FRY: variants seen among roughly 807,000 people sequenced by gnomAD.
The protein encoded by FRY is FRY microtubule binding protein, also known as protein furry homolog.
FRY carries 128 observed loss-of-function variants against 348.4 expected under a neutral mutation model. That is an observed-to-expected ratio of 0.37 (90% CI 0.32 to 0.43). The LOEUF is 0.43. Ranked by LOEUF, FRY falls within the 20% of genes least tolerant of loss-of-function variation. The probability of loss-of-function intolerance (pLI) is 1.00; values close to 1 mark genes in which losing one functional copy is unlikely to be tolerated. For missense variants in FRY, 2,736 were observed against 3,695.2 expected (o/e 0.74, Z 6.73); for synonymous variants, 1,370 against 1,374.7 (o/e 1.00, Z 0.08).
At chr13:32,212,975 A>G (rs1489239794) in intron 35 of FRY, among the ~76,000 whole-genome samples, 2 of 152,078 alleles carry the variant, frequency 1.3e-5, no homozygotes, top group Non-Finnish European at 2.9e-5. Flanking sequence ...CCTGCAGTTG[A>G]TTGTGAAGAG....
chr13:32,033,569 T>A (rs7985191), intron 1 of FRY, among the ~76,000 whole-genome samples: 3,800 of 152,328 alleles, frequency 0.025, 168 homozygotes, highest in African/African-American at 0.086. Context: ...ACATACATAC[T>A]TCAGGAAATG....
chr13:32,113,854 A>G (rs948178754), intron 3 of FRY, among the ~76,000 whole-genome samples: 3 of 152,220 alleles, frequency 2.0e-5, no homozygotes, highest in South Asian at 2.1e-4. Context: ...AGTAACAGAA[A>G]GATGGAAAAA....
intron 38 of FRY, among the ~76,000 whole-genome samples, chr13:32,225,341 AT>A (rs1331248215): frequency 6.6e-6 from 1 of 152,228 alleles, no homozygotes; most frequent in African/African-American, 2.4e-5. Flanking sequence ...ATTTTAAGCT[AT>A]GAGGCATAGT....
chr13:32,151,063 T>G (rs1880759258), intron 14 of FRY, among the ~76,000 whole-genome samples: 1 of 152,212 alleles, frequency 6.6e-6, no homozygotes, highest in Admixed American at 6.5e-5. Context: ...GTGAAGAGCC[T>G]TCTCTTGCTG....
intron 16 of FRY, among the ~76,000 whole-genome samples, chr13:32,159,294 A>T (rs767118992): frequency 1.2e-4 from 18 of 152,008 alleles, no homozygotes; most frequent in Non-Finnish European, 1.6e-4. Context: ...AGCATTTAGG[A>T]GAAGAGGGTG....
intron 7 of FRY, among the ~76,000 whole-genome samples, chr13:32,130,287 C>A (rs146605188): frequency 0.03 from 4,573 of 152,196 alleles, 90 homozygotes; most frequent in Middle Eastern, 0.13. Flanking sequence ...GTAATCCACC[C>A]ACTTCGGCCT....
intron 3 of FRY, among the ~76,000 whole-genome samples, chr13:32,103,282 G>T (rs1459306392): frequency 1.3e-5 from 2 of 152,232 alleles, no homozygotes; most frequent in African/African-American, 2.4e-5. Flanking sequence ...TCACCTGGCA[G>T]GTGCTGAGGT....
intron 60 of FRY, among the ~76,000 whole-genome samples, 154 bp from the exon 61 acceptor site, chr13:32,295,048 T>C (rs1889565633): frequency 6.6e-6 from 1 of 152,206 alleles, no homozygotes; most frequent in Non-Finnish European, 1.5e-5. Flanking sequence ...ACCCACTGAA[T>C]TGTTTACCTT....
Position 32,187,666 on chromosome 13 carries a change from G to A in FRY, c.3591+10G>A, listed in dbSNP as rs571570504. The A allele has an allele frequency of 4.7e-5, 66 of 1,406,122 alleles. 2 individuals are homozygous for A. In the South Asian group the frequency reaches 7.6e-4, roughly 16 times the overall value. The allele number at this position is 1,406,122 out of a possible 1,614,324, so 87.1% of individuals were successfully genotyped here. Reference sequence around the variant, plus strand: ...TTGTCAAGATTTACGAGTAAGTATAGGCAAAAATACATTGTTTTTGAATGT... The same window carrying A: ...TTGTCAAGATTTACGAGTAAGTATAAGCAAAAATACATTGTTTTTGAATGT... On this transcript the variant is annotated intron_variant, in intron 28 of 60. Coordinates refer to ENST00000542859, the MANE Select transcript of FRY (RefSeq NM_023037.3).
At chr13:32,290,363 A>G (rs1335383236) in intron 59 of FRY, among the ~76,000 whole-genome samples, 1 of 152,118 alleles carries the variant, frequency 6.6e-6, no homozygotes, top group Non-Finnish European at 1.5e-5. Context: ...TCATTTGCCT[A>G]GGGGTAAGAA....
chr13:32,061,969 A>G (rs1223743813), intron 1 of FRY, among the ~76,000 whole-genome samples: 1 of 152,130 alleles, frequency 6.6e-6, no homozygotes, highest in Non-Finnish European at 1.5e-5. Context: ...AAGGCACAAC[A>G]TATTGCTCTA....
chr13:32,186,277 C>G lies in FRY; in HGVS notation c.3337C>G (p.Leu1113Val), dbSNP rs1422265444. The change falls in exon 27 of 61, where the codon CTC (leucine) becomes GTC (valine). Residue 1113 changes from leucine to valine, a missense_variant. Leu to Val is a conservative substitution (Grantham distance 32). Around this residue, in one of 9 missense-constraint regions of FRY, gnomAD observed 449 missense variants for 576.9 expected, o/e 0.78. Transcript: ENST00000542859. ...CTCCCTAGTTCACCACCGAAGATTTCTCTTCCCCCAGCAAAGTCTGAGGCA... is the reference window on the plus strand; with the variant it reads ...CTCCCTAGTTCACCACCGAAGATTTGTCTTCCCCCAGCAAAGTCTGAGGCA... ...QCVPVHHRRF[L>V]FPQQSLRHHL... 1.2e-6 allele frequency: 2 copies of G among 1,613,572 alleles called. No individual in the cohort carries two copies. Among genetic ancestry groups the G allele is most frequent in the Admixed American group, 3.3e-5 (2 of 60,016 alleles).
chr13:32,139,603 A>G lies in FRY; in HGVS notation c.1179+2631A>G, dbSNP rs552074929. Among the ~76,000 whole-genome samples, 5 of 152,360 alleles carry G rather than the reference A, an allele frequency of 3.3e-5. No individual in the cohort carries two copies. In the South Asian group the frequency reaches 1.0e-3, roughly 32 times the overall value. On this transcript the variant is annotated intron_variant, in intron 11 of 60. Transcript: ENST00000542859. ...TTCCCAGCATTAGTCAGTCAGAAGC[A>G]GGTTGCTTTGGGAGCACAGACTTGA...
At chr13:32,188,728 G>A (rs1030399696) in intron 28 of FRY, among the ~76,000 whole-genome samples, 2 of 151,922 alleles carry the variant, frequency 1.3e-5, no homozygotes, top group Non-Finnish European at 2.9e-5. Context: ...TGTTTTTATT[G>A]TGCTTTGTTT....
chr13:32,147,340 T>C lies in FRY; in HGVS notation c.1238T>C (p.Val413Ala), dbSNP rs1399801514. 2 of 1,612,434 alleles carry C rather than the reference T, an allele frequency of 1.2e-6. No homozygotes were observed. Among genetic ancestry groups the C allele is most frequent in the Non-Finnish European group, 8.5e-7 (1 of 1,178,614 alleles). ...GAATCTCTCTACAGATTACTTTGGG[T>C]TTACATGATTCGAATTAAATGTGAA... is the stretch of plus-strand genomic sequence containing the variant. ...ALESLYRLLW[V>A]YMIRIKCESN... Residue 413 changes from valine to alanine, a missense_variant, in exon 12 of 61, where the codon GTT becomes GCT. By Grantham distance (64) the Val-to-Ala change is moderately conservative. This residue lies in a region of FRY where 191 missense variants were observed against 370.2 expected (regional missense o/e 0.52). Coordinates refer to ENST00000542859, the MANE Select transcript of FRY (RefSeq NM_023037.3).
intron 2 of FRY, among the ~76,000 whole-genome samples, chr13:32,094,541 A>T: frequency 6.6e-6 from 1 of 151,402 alleles, no homozygotes; most frequent in South Asian, 2.1e-4. Flanking sequence ...TCTAATAAAC[A>T]TCCTTCTACT....
chr13:32,186,114 G>T (rs1315463535), intron 26 of FRY, 146 bp from the exon 27 acceptor site: 37 of 691,526 alleles, frequency 5.4e-5, no homozygotes, highest in East Asian at 1.6e-4. Flanking sequence ...AATGTGGCTT[G>T]ACTTTTTAAG....
intron 35 of FRY, 133 bp from the exon 36 acceptor site, chr13:32,218,616 T>C: frequency 1.6e-6 from 1 of 626,968 alleles, no homozygotes; most frequent in Non-Finnish European, 2.9e-6. Flanking sequence ...AAGGCGGAGA[T>C]TGCAGTGAGC....
intron 56 of FRY, among the ~76,000 whole-genome samples, chr13:32,275,303 G>A (rs1888478749): frequency 6.6e-6 from 1 of 152,050 alleles, no homozygotes; most frequent in African/African-American, 2.4e-5. Flanking sequence ...CAGGAGAATG[G>A]CATGACCCCG....
Sources: allele counts gnomAD v4.1 joint callset (sites outside exome capture counted in the v4.1 genomes callset), GRCh38; gene constraint gnomAD v4.1.1; regional missense constraint gnomAD v4.1.1; transcripts MANE v1.5; gene names NCBI Gene and HGNC (gene_info 2026-07-23, HGNC 2026-07-21).